Variants in HERPUD2 observed in about 807,000 individuals in gnomAD.
The protein encoded by HERPUD2 is homocysteine-responsive endoplasmic reticulum-resident ubiquitin-like domain member 2 protein.
HERPUD2 carries 13 observed loss-of-function variants against 49.9 expected under a neutral mutation model. The ratio of observed to expected loss-of-function variants is 0.26; its 90% CI spans 0.17 to 0.41. The LOEUF is 0.41. HERPUD2 is among the 10% of genes least tolerant of loss of function. HERPUD2 has a pLI of 1.00. For missense variants in HERPUD2, 449 were observed against 492.2 expected (o/e 0.91, Z 0.83); for synonymous variants, 172 against 171.4 (o/e 1.00, Z -0.03).
intron 5 of HERPUD2, among the ~76,000 whole-genome samples, chr7:35,657,770 T>A (rs1271810597): frequency 4.8e-5 from 7 of 147,346 alleles, no homozygotes; most frequent in African/African-American, 1.8e-4. Flanking sequence ...AAAAAAAAAA[T>A]TAGCCAGGTG....
intron 2 of HERPUD2, among the ~76,000 whole-genome samples, chr7:35,674,423 A>C (rs1162268853): frequency 2.4e-5 from 2 of 83,936 alleles, no homozygotes; most frequent in East Asian, 6.3e-4. Context: ...AGAGAGAGAG[A>C]GAGAGAGAGA....
chr7:35,692,287 C>A (rs1786210630), intron 2 of HERPUD2, among the ~76,000 whole-genome samples: 1 of 148,866 alleles, frequency 6.7e-6, no homozygotes, highest in South Asian at 2.2e-4. Context: ...GGCAGACAGG[C>A]TTCCCACTCC....
chr7:35,677,537 T>C (rs1196838159), intron 2 of HERPUD2, among the ~76,000 whole-genome samples: 1 of 152,180 alleles, frequency 6.6e-6, no homozygotes. Flanking sequence ...TTGGAATTGA[T>C]TCAAGAGAAA....
intron 2 of HERPUD2, among the ~76,000 whole-genome samples, chr7:35,681,251 A>G (rs1183769769): frequency 6.6e-6 from 1 of 152,218 alleles, no homozygotes; most frequent in East Asian, 1.9e-4. Context: ...AATTTTCAGA[A>G]ATGTAGAACA....
intron 2 of HERPUD2, 73 bp downstream of exon 2, chr7:35,694,110 AG>A: frequency 6.6e-7 from 1 of 1,506,332 alleles, no homozygotes; most frequent in Admixed American, 1.7e-5. Context: ...GGAGGGGAGA[AG>A]CAGGAAAAAG....
intron 2 of HERPUD2, among the ~76,000 whole-genome samples, chr7:35,674,404 T>TATATATATATAG (rs1785711309): frequency 3.7e-4 from 14 of 38,116 alleles, no homozygotes; most frequent in Non-Finnish European, 4.8e-4. Flanking sequence ...TATATATATA[T>TATATATATATAG]AGAGAGAGAG....
At position 35,635,208 on chromosome 7, in the gene HERPUD2, G is replaced by A; in HGVS notation, c.868C>T (p.Leu290Phe). ...MYTFSRAAIL[L>F]SIVYFYSSFS... ...GAAGAATAGAAGTATACAATGCTAA[G>A]GAGAATCGCAGCTCGTGAGAACGTG... The change falls in exon 7 of 9, where the codon CTT becomes TTT. Residue 290 changes from leucine to phenylalanine, a missense_variant. Physicochemically the swap from Leu to Phe is conservative, Grantham distance 22. Coordinates refer to ENST00000311350, the MANE Select transcript of HERPUD2 (RefSeq NM_022373.5). 2 of 1,614,142 alleles carry A rather than the reference G, an allele frequency of 1.2e-6. No individual in the cohort carries two copies. Among genetic ancestry groups the A allele is most frequent in the Non-Finnish European group, 1.7e-6 (2 of 1,179,982 alleles).
chr7:35,665,679 A>C (rs1785522159), intron 5 of HERPUD2, among the ~76,000 whole-genome samples: 1 of 152,230 alleles, frequency 6.6e-6, no homozygotes, highest in South Asian at 2.1e-4. Context: ...CATCTTCTGC[A>C]TCGTTCATGC....
intron 5 of HERPUD2, among the ~76,000 whole-genome samples, chr7:35,642,333 A>G (rs1231646368): frequency 6.6e-6 from 1 of 152,236 alleles, no homozygotes; most frequent in East Asian, 1.9e-4. Flanking sequence ...GGTTGCAGAG[A>G]AAAGTGAACA....
At chr7:35,687,787 T>A (rs1786096473) in intron 2 of HERPUD2, among the ~76,000 whole-genome samples, 1 of 152,198 alleles carries the variant, frequency 6.6e-6, no homozygotes, top group African/African-American at 2.4e-5. Flanking sequence ...ATTTAAAATA[T>A]CTCCTGGAGT....
intron 5 of HERPUD2, among the ~76,000 whole-genome samples, chr7:35,639,297 G>A (rs927005131): frequency 2.0e-5 from 3 of 152,092 alleles, no homozygotes; most frequent in Admixed American, 1.3e-4. Flanking sequence ...GACTCCCAGA[G>A]TGGCAGGATT....
intron 2 of HERPUD2, among the ~76,000 whole-genome samples, chr7:35,685,095 G>A (rs1329269713): frequency 6.6e-6 from 1 of 151,828 alleles, no homozygotes; most frequent in Non-Finnish European, 1.5e-5. Flanking sequence ...ACTAAAGTTA[G>A]CTGGGCATGG....
intron 2 of HERPUD2, among the ~76,000 whole-genome samples, chr7:35,674,789 A>G (rs1785724922): frequency 6.6e-6 from 1 of 152,076 alleles, no homozygotes. Context: ...CTGAGTTCTG[A>G]GAGCTCCAGC....
rs1428422932 is a variant in HERPUD2, at chr7:35,694,904, C to T, written c.-401G>A. The T allele has an allele frequency of 6.5e-6, 1 of 152,720 alleles. No individual in the cohort carries two copies. Among genetic ancestry groups the T allele is most frequent in the Non-Finnish European group, 1.5e-5 (1 of 68,314 alleles). 9.5% of individuals were successfully genotyped at this position (152,720 alleles called of 1,614,324 possible). ...GTTTTCCGTGGCAGCCGCTCCCTTC[C>T]TGCTGCGCGGCGACCGGCACGGCCC... On this transcript the variant is annotated 5_prime_UTR_variant, in exon 1 of 9. Coordinates refer to ENST00000311350, the MANE Select transcript of HERPUD2 (RefSeq NM_022373.5).
At chr7:35,656,563 T>A (rs563057333) in intron 5 of HERPUD2, among the ~76,000 whole-genome samples, 13 of 152,228 alleles carry the variant, frequency 8.5e-5, no homozygotes, top group Non-Finnish European at 1.5e-4. Context: ...GACTTGAAAA[T>A]ATATTACAAG....
chr7:35,636,626 T>C (rs183699440), intron 6 of HERPUD2, among the ~76,000 whole-genome samples: 166 of 152,236 alleles, frequency 1.1e-3, no homozygotes, highest in African/African-American at 3.7e-3. Flanking sequence ...ATGATAACCA[T>C]TACCATGGCA....
chr7:35,655,115 T>C (rs1261647010), intron 5 of HERPUD2, among the ~76,000 whole-genome samples: 1 of 152,010 alleles, frequency 6.6e-6, no homozygotes, highest in Non-Finnish European at 1.5e-5. Context: ...AGCCTCCCAA[T>C]GTGCTGGGAT....
rs138047963 is a variant in HERPUD2, at chr7:35,656,334, AAAC to A, written c.494+11097_494+11099del. ...TAATGAAAGAAATTGAAGAGGATAT[AAAC>A]AACTGGAAAGACACCCTATGCTCAT... On this transcript the variant is annotated intron_variant, in intron 5 of 8. Transcript: ENST00000311350. Among the ~76,000 whole-genome samples the A allele has an allele frequency of 5.3e-3, 801 of 152,268 alleles. 12 individuals are homozygous for A. The highest frequency in any genetic ancestry group is 0.018 in the African/African-American group (764 of 41,568).
intron 5 of HERPUD2, among the ~76,000 whole-genome samples, chr7:35,645,595 C>T (rs759459221): frequency 5.9e-5 from 9 of 151,938 alleles, no homozygotes; most frequent in Non-Finnish European, 1.2e-4. Flanking sequence ...TGACTTTAAA[C>T]AAAATGATGT....
Sources: allele counts gnomAD v4.1 joint callset (sites outside exome capture counted in the v4.1 genomes callset), GRCh38; gene constraint gnomAD v4.1.1; transcripts MANE v1.5; gene names NCBI Gene and HGNC (gene_info 2026-07-23, HGNC 2026-07-21).